OPCML: variants seen among roughly 807,000 people sequenced by gnomAD.
OPCML encodes the protein opioid binding protein/cell adhesion molecule like.
Under a neutral mutation model 37.8 loss-of-function variants are expected in OPCML, and 13 were observed. The observed-to-expected ratio is 0.34, with a 90% CI of 0.22 to 0.55. The LOEUF (loss-of-function observed/expected upper bound fraction) is 0.55. Among genes scored for constraint, OPCML ranks in the 20% least tolerant of loss-of-function variants. The pLI is 0.91. For missense variants in OPCML, 341 were observed against 435.6 expected (o/e 0.78, Z 1.93); for synonymous variants, 176 against 168.8 (o/e 1.04, Z -0.33).
At chr11:132,780,319 G>A (rs148138517) in intron 2 of OPCML, among the ~76,000 whole-genome samples, 1 of 152,330 alleles carries the variant, frequency 6.6e-6, no homozygotes, top group Non-Finnish European at 1.5e-5. Context: ...GGGACCGTGA[G>A]TCGCATCAGT....
intron 1 of OPCML, among the ~76,000 whole-genome samples, chr11:132,994,979 C>T (rs1946855350): frequency 6.6e-6 from 1 of 152,236 alleles, no homozygotes; most frequent in Admixed American, 6.5e-5. Context: ...GGACGAATAA[C>T]TCCTTATAGG....
At chr11:132,555,871 ATC>A (rs1166378515) in intron 3 of OPCML, among the ~76,000 whole-genome samples, 1 of 152,168 alleles carries the variant, frequency 6.6e-6, no homozygotes, top group African/African-American at 2.4e-5. Context: ...ACAAAGGATG[ATC>A]TCTTTACAAA....
intron 1 of OPCML, among the ~76,000 whole-genome samples, chr11:133,402,552 G>T (rs1288466176): frequency 2.0e-5 from 3 of 152,096 alleles, no homozygotes; most frequent in African/African-American, 7.2e-5. Flanking sequence ...TCTCACCTTG[G>T]ATCAGCATCT....
At chr11:133,384,810 C>T (rs1945009564) in intron 1 of OPCML, among the ~76,000 whole-genome samples, 1 of 152,234 alleles carries the variant, frequency 6.6e-6, no homozygotes, top group Admixed American at 6.5e-5. Context: ...CATGTGACCT[C>T]CTGGATCTGT....
chr11:133,174,143 T>G lies in OPCML; in HGVS notation c.62-231133A>C, dbSNP rs1179573840. ...TGTTGTCAGGCTGGTCCCTTGTGTC[T>G]TCCCTTCCCTCTCATTCTCCACCTT... On this transcript the variant is annotated intron_variant, in intron 1 of 7. Coordinates refer to ENST00000524381, the MANE Select transcript of OPCML (RefSeq NM_001012393.5). The surrounding 1 kb of genome is among the most constrained non-coding windows in gnomAD (Gnocchi z 4.6). 6.6e-6 allele frequency among the ~76,000 whole-genome samples: 1 copy of G among 152,230 alleles called. No individual in the cohort carries two copies. The highest frequency in any genetic ancestry group is 1.5e-5 in the Non-Finnish European group (1 of 68,040).
At chr11:132,744,621 A>G (rs1178345237) in intron 2 of OPCML, among the ~76,000 whole-genome samples, 4 of 152,244 alleles carry the variant, frequency 2.6e-5, no homozygotes, top group Non-Finnish European at 5.9e-5. Context: ...GGCATTGAGC[A>G]TGTGTTATGC....
At chr11:133,490,048 C>G (rs2120432696) in intron 1 of OPCML, among the ~76,000 whole-genome samples, 2 of 152,176 alleles carry the variant, frequency 1.3e-5, no homozygotes, top group Middle Eastern at 6.8e-3. Context: ...TACCTCATAC[C>G]AAATACATGA....
At chr11:132,640,328 G>A (rs193102542) in intron 3 of OPCML, among the ~76,000 whole-genome samples, 1 of 152,284 alleles carries the variant, frequency 6.6e-6, no homozygotes, top group Non-Finnish European at 1.5e-5. Flanking sequence ...ATAAGCACAA[G>A]AGGAGAGTCT....
intron 2 of OPCML, among the ~76,000 whole-genome samples, chr11:132,928,692 C>A (rs1945085833): frequency 6.6e-6 from 1 of 151,970 alleles, no homozygotes; most frequent in Non-Finnish European, 1.5e-5. Context: ...GGACATAAAA[C>A]ATTCTTCAGG....
intron 2 of OPCML, among the ~76,000 whole-genome samples, chr11:132,901,170 A>T (rs944010822): frequency 1.3e-5 from 2 of 152,006 alleles, no homozygotes; most frequent in Non-Finnish European, 2.9e-5. Flanking sequence ...ACACAGCAAG[A>T]CTCTGTCTCT....
intron 1 of OPCML, among the ~76,000 whole-genome samples, chr11:133,341,136 T>G (rs192562272): frequency 3.9e-5 from 6 of 152,298 alleles, no homozygotes; most frequent in Admixed American, 3.3e-4. Flanking sequence ...CATTCATTCC[T>G]GAATCCCCCA....
chr11:132,963,367 G>A (rs185898107), intron 1 of OPCML, among the ~76,000 whole-genome samples: 352 of 152,024 alleles, frequency 2.3e-3, no homozygotes, highest in African/African-American at 8.2e-3. Flanking sequence ...CGAGGTGGGC[G>A]GATCACGAGG....
intron 1 of OPCML, among the ~76,000 whole-genome samples, chr11:133,226,101 A>G (rs1940024946): frequency 6.6e-6 from 1 of 152,226 alleles, no homozygotes; most frequent in Non-Finnish European, 1.5e-5. Context: ...AGAGCCCTCT[A>G]TGAGTGAGAT....
At chr11:133,009,726 A>T (rs897762869) in intron 1 of OPCML, among the ~76,000 whole-genome samples, 1 of 152,196 alleles carries the variant, frequency 6.6e-6, no homozygotes, top group Non-Finnish European at 1.5e-5. Flanking sequence ...TGCGTAATTC[A>T]CAGCAGGGTT....
intron 2 of OPCML, among the ~76,000 whole-genome samples, chr11:132,759,016 G>C (rs1338693799): frequency 6.6e-6 from 1 of 152,106 alleles, no homozygotes; most frequent in Non-Finnish European, 1.5e-5. Context: ...ATGAAAGGGG[G>C]TTGAATTTTG....
At chr11:132,882,062 G>A (rs1201678219) in intron 2 of OPCML, among the ~76,000 whole-genome samples, 2 of 152,096 alleles carry the variant, frequency 1.3e-5, no homozygotes, top group African/African-American at 4.8e-5. Flanking sequence ...TTCCCTTCTA[G>A]GACAGAAGTC....
At chr11:132,444,002 C>T (rs572255327) in intron 4 of OPCML, among the ~76,000 whole-genome samples, 1 of 152,222 alleles carries the variant, frequency 6.6e-6, no homozygotes, top group East Asian at 1.9e-4. Flanking sequence ...GACAGTGGGA[C>T]TTGCACAGTA....
intron 4 of OPCML, among the ~76,000 whole-genome samples, chr11:132,463,766 A>G (rs1201960704): frequency 6.6e-6 from 1 of 152,224 alleles, no homozygotes; most frequent in Non-Finnish European, 1.5e-5. Context: ...GTAGCTTTCT[A>G]AAAATACATA....
At position 133,024,829 on chromosome 11, in the gene OPCML, C is replaced by T. The variant is rs1009351292; in HGVS notation, c.62-81819G>A. The T allele has an allele frequency of 1.1e-5, 11 of 985,266 alleles. No individual in the cohort carries two copies. The African/African-American group carries it at 1.9e-4, about 17-fold the overall frequency. The allele number at this position is 985,266 out of a possible 1,614,324, so 61.0% of individuals were successfully genotyped here. On this transcript the variant is annotated intron_variant, in intron 1 of 7. Coordinates refer to ENST00000524381, the MANE Select transcript of OPCML (RefSeq NM_001012393.5). ...TCAGTTCTATCACTGCCTGGGTGAC[C>T]TGGTGAGGGAAAGGACCTGCTTTCA...
Sources: gnomAD v4.1 joint callset for allele counts (sites outside exome capture counted in the v4.1 genomes callset) on GRCh38, gnomAD v4.1.1 for gene constraint, Gnocchi (gnomAD v3.1) non-coding constraint, MANE v1.5 for transcripts, NCBI Gene and HGNC (gene_info 2026-07-23, HGNC 2026-07-21) for gene names.